The following PPIL3 variants were observed in gnomAD, a reference collection of about 807,000 sequenced individuals.
PPIL3 encodes peptidylprolyl isomerase like 3, also known as peptidyl-prolyl cis-trans isomerase-like 3.
In PPIL3, 13 loss-of-function variants were observed where a neutral mutation model predicts 20.9. The ratio of observed to expected loss-of-function variants is 0.62; its 90% confidence interval spans 0.40 to 0.99. PPIL3 has a LOEUF of 0.99. Among genes scored for constraint, PPIL3 ranks in the 50% least tolerant of loss-of-function variants. PPIL3 has a pLI of 0.00. For synonymous variants in PPIL3, 71 were observed against 64.4 expected (o/e 1.10, Z -0.49); for missense variants, 170 against 195.2 (o/e 0.87, Z 0.77).
At chr2:200,876,131 A>G (rs2039501390) in intron 6 of PPIL3, among the ~76,000 whole-genome samples, 1 of 150,446 alleles carries the variant, frequency 6.6e-6, no homozygotes, top group South Asian at 2.1e-4. Flanking sequence ...CTAAAAAAAA[A>G]GTGTTTTTTT....
chr2:200,873,945 C>T (rs944142224), intron 6 of PPIL3, among the ~76,000 whole-genome samples: 4 of 151,772 alleles, frequency 2.6e-5, no homozygotes, highest in African/African-American at 9.7e-5. Context: ...GTGGCTCACG[C>T]CTGTAATCTC....
chr2:200,887,571 C>A (rs538780774), intron 2 of PPIL3, 42 bp downstream of exon 2: 1 of 1,487,460 alleles, frequency 6.7e-7, no homozygotes, highest in Admixed American at 1.8e-5. Context: ...CTAAAAATTA[C>A]TTATAATGAA....
intron 2 of PPIL3, among the ~76,000 whole-genome samples, chr2:200,887,264 T>C (rs1323788435): frequency 1.3e-5 from 2 of 150,332 alleles, no homozygotes; most frequent in African/African-American, 4.9e-5. Flanking sequence ...CAGGCGCGTG[T>C]AATCTCAGCT....
At chr2:200,879,676 A>C (rs1236409568) in intron 5 of PPIL3, among the ~76,000 whole-genome samples, 2 of 152,162 alleles carry the variant, frequency 1.3e-5, no homozygotes, top group Non-Finnish European at 2.9e-5. Flanking sequence ...CTCTACAAAA[A>C]ATCAGAAATT....
chr2:200,885,587 C>G, intron 3 of PPIL3, 111 bp downstream of exon 3: 1 of 723,170 alleles, frequency 1.4e-6, no homozygotes, highest in Non-Finnish European at 2.3e-6. Context: ...TTTTCCCTAA[C>G]AATGGTTTTA....
intron 2 of PPIL3, among the ~76,000 whole-genome samples, chr2:200,887,258 C>T (rs1387911110): frequency 1.3e-5 from 2 of 151,410 alleles, no homozygotes; most frequent in African/African-American, 2.4e-5. Flanking sequence ...TGGTGGCAGG[C>T]GCGTGTAATC....
intron 3 of PPIL3, among the ~76,000 whole-genome samples, chr2:200,882,798 G>A (rs1575110801): frequency 6.6e-6 from 1 of 151,564 alleles, no homozygotes; most frequent in African/African-American, 2.4e-5. Flanking sequence ...TACTCTGGAG[G>A]CTGAGGGAGG....
chr2:200,871,630 CT>C, intron 6 of PPIL3, 109 bp from the exon 7 acceptor site: 1 of 923,056 alleles, frequency 1.1e-6, no homozygotes, highest in Non-Finnish European at 1.6e-6. Context: ...TTACAGATCT[CT>C]GAGTTCTCTA....
At chr2:200,880,325 A>C (rs895557850) in intron 5 of PPIL3, among the ~76,000 whole-genome samples, 1 of 152,110 alleles carries the variant, frequency 6.6e-6, no homozygotes, top group East Asian at 1.9e-4. Flanking sequence ...ACTGCAATGA[A>C]TTTTTTTCAG....
Position 200,881,457 on chromosome 2 carries a change from G to C in PPIL3, c.204C>G (p.Gly68=). The C allele has an allele frequency of 1.9e-6, 3 of 1,613,142 alleles. No individual in the cohort carries two copies. Among genetic ancestry groups the C allele is most frequent in the Non-Finnish European group, 2.5e-6 (3 of 1,179,608 alleles). ...CACTGTATTCATCCTCAAACTTCTT[G>C]CCCCAAATACTGTTGCCTCCTCTTC... ...GTGRGGNSIW[G]KKFEDEYSEY... is the part of the protein sequence containing the mutation. The change falls in exon 5 of 7, where the codon GGC becomes GGG. Residue 68 remains glycine (G), a synonymous_variant. Coordinates refer to ENST00000392283, the MANE Select transcript of PPIL3 (RefSeq NM_130906.3).
chr2:200,889,055 T>C lies in PPIL3; in HGVS notation c.-170A>G, dbSNP rs2040095620. The C allele has an allele frequency of 2.1e-6, 1 of 471,098 alleles. No homozygotes were observed. Among genetic ancestry groups the C allele is most frequent in the Middle Eastern group, 3.2e-4 (1 of 3,078 alleles). The allele number at this position is 471,098 out of a possible 1,614,324, so 29.2% of individuals were successfully genotyped here. ...CTGTTGGTTCAAAATTATAGTTTCT[T>C]TGGGCCAGCGGAAGTTGGGCGCGGG... is the stretch of plus-strand genomic sequence containing the variant. On this transcript the variant is annotated 5_prime_UTR_variant, in exon 1 of 7. Transcript: ENST00000392283.
intron 3 of PPIL3, among the ~76,000 whole-genome samples, chr2:200,883,070 C>T (rs1456225155): frequency 6.6e-6 from 1 of 151,048 alleles, no homozygotes. Context: ...GCTTTTCTTA[C>T]CTGGGGTACT....
chr2:200,875,832 C>A (rs1250471828), intron 6 of PPIL3, among the ~76,000 whole-genome samples: 1 of 152,090 alleles, frequency 6.6e-6, no homozygotes, highest in East Asian at 1.9e-4. Flanking sequence ...TCTCAGCCTC[C>A]CAAAGCACTG....
intron 3 of PPIL3, chr2:200,885,063 C>CT (rs2039878413): frequency 9.3e-6 from 1 of 107,284 alleles, no homozygotes; most frequent in Non-Finnish European, 1.8e-5. Context: ...AAGACTCCGT[C>CT]TTGAGAAAAA....
At chr2:200,885,507 A>G (rs980876643) in intron 3 of PPIL3, 191 bp downstream of exon 3, 8 of 538,004 alleles carry the variant, frequency 1.5e-5, no homozygotes, top group African/African-American at 1.2e-4. Context: ...AAAATTATCT[A>G]CGTTCTCTTT....
chr2:200,876,010 C>T (rs62189332), intron 6 of PPIL3, among the ~76,000 whole-genome samples: 2,813 of 152,242 alleles, frequency 0.018, 55 homozygotes, highest in South Asian at 0.034. Flanking sequence ...AATGGAACCA[C>T]CATGCCAGTC....
intron 6 of PPIL3, among the ~76,000 whole-genome samples, chr2:200,876,422 T>C (rs1304123763): frequency 4.6e-5 from 7 of 152,236 alleles, no homozygotes; most frequent in East Asian, 1.9e-4. Flanking sequence ...AGGGAGATTA[T>C]AACTTTCCCA....
chr2:200,882,926 A>G lies in PPIL3; in HGVS notation c.79-491T>C, dbSNP rs971826288. ...AAAAAAAAAACAACCAAAAACAAAAAGAAAATCTTCAGCAGGGCCTAACAA... is the reference window on the plus strand; with the variant it reads ...AAAAAAAAAACAACCAAAAACAAAAGGAAAATCTTCAGCAGGGCCTAACAA... On this transcript the variant is annotated intron_variant, in intron 3 of 6. Transcript: ENST00000392283. Among the ~76,000 whole-genome samples, 6 of 151,148 alleles carry G rather than the reference A, an allele frequency of 4.0e-5. No individual in the cohort carries two copies. The East Asian group carries it at 1.2e-3, about 29-fold the overall frequency.
chr2:200,879,439 T>C (rs1036657588), intron 5 of PPIL3, among the ~76,000 whole-genome samples: 2 of 151,964 alleles, frequency 1.3e-5, no homozygotes, highest in Non-Finnish European at 2.9e-5. Context: ...TTCTTAACTC[T>C]GCCTGCAAAA....
Sources: allele counts gnomAD v4.1 joint callset (sites outside exome capture counted in the v4.1 genomes callset), GRCh38; gene constraint gnomAD v4.1.1; transcripts MANE v1.5; gene names NCBI Gene and HGNC (gene_info 2026-07-23, HGNC 2026-07-21).